The following PLCD4 variants were observed in gnomAD, a reference collection of about 807,000 sequenced individuals.
The protein encoded by PLCD4 is phospholipase C delta 4, also known as 1-phosphatidylinositol 4,5-bisphosphate phosphodiesterase delta-4.
In PLCD4, 63 loss-of-function variants were observed where a neutral mutation model predicts 90.2. The observed-to-expected ratio is 0.70, with a 90% confidence interval of 0.57 to 0.86. The LOEUF (loss-of-function observed/expected upper bound fraction) is 0.86, where lower values mean the gene tolerates loss of function less well. Ranked by LOEUF, PLCD4 falls within the 40% of genes least tolerant of loss-of-function variation. The pLI is 0.00. For synonymous variants in PLCD4, 294 were observed against 356.5 expected (o/e 0.82, Z 1.97); for missense variants, 830 against 956.3 (o/e 0.87, Z 1.74).
intron 6 of PLCD4, among the ~76,000 whole-genome samples, chr2:218,625,818 G>C (rs1333335953): frequency 6.6e-6 from 1 of 151,930 alleles, no homozygotes. Flanking sequence ...CCTGTAATTT[G>C]AGCTACTTGG....
intron 6 of PLCD4, among the ~76,000 whole-genome samples, chr2:218,624,725 A>G (rs1696029297): frequency 6.6e-6 from 1 of 151,562 alleles, no homozygotes; most frequent in Non-Finnish European, 1.5e-5. Context: ...GTCTCAAAAA[A>G]AAAAAAAAAG....
intron 6 of PLCD4, 37 bp from the exon 7 acceptor site, chr2:218,627,990 CAG>C (rs1430185071): frequency 1.7e-5 from 27 of 1,556,610 alleles, no homozygotes; most frequent in South Asian, 4.7e-5. Flanking sequence ...TGCTCCCATT[CAG>C]AGCTTCTCAC....
At position 218,636,458 on chromosome 2, in the gene PLCD4, C is replaced by T. The variant is rs768506382; in HGVS notation, c.2183-13C>T. 1.9e-6 allele frequency: 3 copies of T among 1,614,040 alleles called. No homozygotes were observed. Among genetic ancestry groups the T allele is most frequent in the South Asian group, 2.2e-5 (2 of 91,086 alleles). Reference sequence around the variant, plus strand: ...TGGCTGCCTTCCTAATGCTGTCCTCCTGCCCCTTCCAGGTTACCGCCACAT... The same window carrying T: ...TGGCTGCCTTCCTAATGCTGTCCTCTTGCCCCTTCCAGGTTACCGCCACAT... On this transcript the variant is annotated splice_polypyrimidine_tract_variant and intron_variant, in intron 15 of 15. Transcript: ENST00000450993.
chr2:218,632,716 A>G (rs1247279929), intron 10 of PLCD4, among the ~76,000 whole-genome samples: 2 of 152,110 alleles, frequency 1.3e-5, no homozygotes, highest in Admixed American at 6.6e-5. Flanking sequence ...GTGTAACATT[A>G]TTATATTGGG....
chr2:218,615,493 G>C (rs899961399), intron 1 of PLCD4, among the ~76,000 whole-genome samples: 1 of 152,156 alleles, frequency 6.6e-6, no homozygotes, highest in African/African-American at 2.4e-5. Context: ...CGGAATCTTT[G>C]GTTTACCCTT....
intron 3 of PLCD4, among the ~76,000 whole-genome samples, chr2:218,616,879 A>G (rs996071765): frequency 1.2e-4 from 14 of 113,950 alleles, no homozygotes; most frequent in Admixed American, 8.1e-4. Context: ...AATGCATTTA[A>G]TGAATGTTAG....
At chr2:218,610,784 A>G (rs960689084) in intron 1 of PLCD4, among the ~76,000 whole-genome samples, 1 of 151,638 alleles carries the variant, frequency 6.6e-6, no homozygotes, top group Non-Finnish European at 1.5e-5. Context: ...CTGCAGTGCA[A>G]TGGCGCCATC....
chr2:218,636,502 T>C lies in PLCD4; in HGVS notation c.2214T>C (p.Asp738=). Residue 738 remains aspartate, a synonymous_variant, in exon 16 of 16, where the codon GAT becomes GAC. Coordinates refer to ENST00000450993, the MANE Select transcript of PLCD4 (RefSeq NM_032726.4). ...GYRHIHLLSK[D]GISLRPASIF... Reference sequence around the variant, plus strand: ...GCCACATTCACCTGCTGTCCAAAGATGGCATCAGCCTCCGCCCAGCTTCCA... The same window carrying C: ...GCCACATTCACCTGCTGTCCAAAGACGGCATCAGCCTCCGCCCAGCTTCCA... 8 of 1,613,998 alleles carry C rather than the reference T, an allele frequency of 5.0e-6. No individual in the cohort carries two copies. The highest frequency in any genetic ancestry group is 5.9e-6 in the Non-Finnish European group (7 of 1,179,882).
At chr2:218,620,231 A>T (rs139276924) in intron 4 of PLCD4, among the ~76,000 whole-genome samples, 1 of 152,146 alleles carries the variant, frequency 6.6e-6, no homozygotes, top group Non-Finnish European at 1.5e-5. Flanking sequence ...CAGGTGCAGT[A>T]GCTCACACCT....
chr2:218,634,813 G>A lies in PLCD4; in HGVS notation c.1896+183G>A, dbSNP rs886477563. Among the ~76,000 whole-genome samples, 5 of 152,198 alleles carry A rather than the reference G, an allele frequency of 3.3e-5. No homozygotes were observed. The highest frequency in any genetic ancestry group is 1.2e-4 in the African/African-American group (5 of 41,454). On this transcript the variant is annotated intron_variant, in intron 13 of 15. Coordinates refer to ENST00000450993, the MANE Select transcript of PLCD4 (RefSeq NM_032726.4). This position sits in a 1 kb window ranked among gnomAD's most constrained non-coding sequence, Gnocchi z 4.0. Reference sequence around the variant, plus strand: ...TTCCTAATTGGGTAATGTTGGGCAAGTTCCTTAACCTCTCCATACCTCAGT... The same window carrying A: ...TTCCTAATTGGGTAATGTTGGGCAAATTCCTTAACCTCTCCATACCTCAGT...
intron 3 of PLCD4, among the ~76,000 whole-genome samples, chr2:218,616,960 A>AGAGAGAGAGAGAGAGAGAGAGAT (rs1695636701): frequency 1.1e-5 from 1 of 92,664 alleles, no homozygotes; most frequent in African/African-American, 4.4e-5. Context: ...AGAGAGAGAG[A>AGAGAGAGAGAGAGAGAGAGAGAT]GAGAGAGAGA....
chr2:218,614,265 C>T (rs1020286308), intron 1 of PLCD4, among the ~76,000 whole-genome samples: 7 of 152,090 alleles, frequency 4.6e-5, no homozygotes, highest in South Asian at 2.1e-4. Flanking sequence ...ATGGTCCGCC[C>T]GCCTTGGCCT....
At chr2:218,616,947 GAGA>G (rs1695630715) in intron 3 of PLCD4, among the ~76,000 whole-genome samples, 1 of 52,752 alleles carries the variant, frequency 1.9e-5, no homozygotes, top group Non-Finnish European at 4.0e-5. Context: ...GAGAGAGAGA[GAGA>G]GAGAGAGAGA....
intron 6 of PLCD4, among the ~76,000 whole-genome samples, chr2:218,624,290 T>G (rs549454297): frequency 6.6e-6 from 1 of 152,352 alleles, no homozygotes; most frequent in South Asian, 2.1e-4. Context: ...TGAGTTCCTA[T>G]AATGTGTCAG....
chr2:218,631,654 ATGATGGTGGGCAC>A (rs1306308818), intron 9 of PLCD4, among the ~76,000 whole-genome samples: 10 of 152,056 alleles, frequency 6.6e-5, no homozygotes, highest in African/African-American at 2.4e-4. Flanking sequence ...TTAGCTGGGC[ATGATGGTGGGCAC>A]CTGTAATCCC....
intron 6 of PLCD4, among the ~76,000 whole-genome samples, chr2:218,627,744 C>G (rs1371024883): frequency 6.6e-6 from 1 of 152,162 alleles, no homozygotes; most frequent in African/African-American, 2.4e-5. Flanking sequence ...GATCTCCTGA[C>G]CTCGTGATCT....
rs559632084 is a variant in PLCD4 at position 218,636,130 on chromosome 2, C to T, written c.2033-113C>T. 1,088 of 1,400,508 alleles carry T rather than the reference C, an allele frequency of 7.8e-4. 2 individuals are homozygous for T. The Middle Eastern group carries it at 9.1e-3, about 12-fold the overall frequency. The allele number at this position is 1,400,508 out of a possible 1,614,324, so 86.8% of individuals were successfully genotyped here. On this transcript the variant is annotated intron_variant, in intron 14 of 15. Coordinates refer to ENST00000450993, the MANE Select transcript of PLCD4 (RefSeq NM_032726.4). Reference sequence around the variant, plus strand: ...TTACTTGCTTACTCTGAGCCTTTTTCCTTACCTGTAAAATGCTGATTGCCA... The same window carrying T: ...TTACTTGCTTACTCTGAGCCTTTTTTCTTACCTGTAAAATGCTGATTGCCA...
rs1259731798 is a variant in PLCD4, at chr2:218,636,840, CCTT to C, written c.*268_*270del. 6 of 545,614 alleles carry C rather than the reference CCTT, an allele frequency of 1.1e-5. No homozygotes were observed. The highest frequency in any genetic ancestry group is 2.1e-5 in the Non-Finnish European group (6 of 285,864). 33.8% of individuals were successfully genotyped at this position (545,614 alleles called of 1,614,324 possible). On this transcript the variant is annotated 3_prime_UTR_variant, in exon 16 of 16. Transcript: ENST00000450993. The stretch of plus-strand genomic sequence containing the variant: ...CTTTGTGTACTCTATACTGGAGTTC[CCTT>C]CTTCCTCTTGCTGTAGGCTCAATCC...
In PLCD4 at chr2:218,632,121, AT is replaced by A; in HGVS notation, c.1273-10del. On this transcript the variant is annotated splice_polypyrimidine_tract_variant and intron_variant, in intron 9 of 15. Coordinates refer to ENST00000450993, the MANE Select transcript of PLCD4 (RefSeq NM_032726.4). ...AGCAGACAGGTAGACAGGCCCCTTC[AT>A]TTTTGTCCCCTAGGAGCTTCGGAGG... The A allele has an allele frequency of 6.3e-7, 1 of 1,591,658 alleles. No individual in the cohort carries two copies.
Sources: allele counts gnomAD v4.1 joint callset (sites outside exome capture counted in the v4.1 genomes callset), GRCh38; gene constraint gnomAD v4.1.1; non-coding constraint Gnocchi (gnomAD v3.1); transcripts MANE v1.5; gene names NCBI Gene and HGNC (gene_info 2026-07-23, HGNC 2026-07-21).